Variants in CCDC192 observed in about 807,000 individuals in gnomAD.
The protein encoded by CCDC192 is coiled-coil domain containing 192, also known as coiled-coil domain-containing protein 192.
chr5:127,781,504 T>A (rs1756218129), intron 3 of CCDC192, among the ~76,000 whole-genome samples: 1 of 152,146 alleles, frequency 6.6e-6, no homozygotes, highest in African/African-American at 2.4e-5. Flanking sequence ...CTATGATTTC[T>A]TTCAGCAGTG....
At chr5:127,776,724 C>T (rs1435818057) in intron 3 of CCDC192, among the ~76,000 whole-genome samples, 2 of 152,168 alleles carry the variant, frequency 1.3e-5, no homozygotes, top group Non-Finnish European at 2.9e-5. Context: ...AGTATAGGGA[C>T]TTGGTGCCCT....
chr5:127,937,685 A>G (rs1754224084), intron 6 of CCDC192, among the ~76,000 whole-genome samples: 1 of 151,922 alleles, frequency 6.6e-6, no homozygotes, highest in Admixed American at 6.6e-5. Flanking sequence ...TTTTCTTTCC[A>G]CCTTCTCCCT....
chr5:127,734,553 A>T (rs1305519566), intron 2 of CCDC192, among the ~76,000 whole-genome samples: 30 of 144,450 alleles, frequency 2.1e-4, no homozygotes, highest in East Asian at 1.5e-3. Context: ...ACAGTGTAAA[A>T]GTGTTCCTAT....
chr5:127,820,017 C>G (rs1749211334), intron 5 of CCDC192, among the ~76,000 whole-genome samples: 2 of 152,278 alleles, frequency 1.3e-5, no homozygotes, highest in South Asian at 4.1e-4. Flanking sequence ...AATATTGAAA[C>G]TTAACCTTAG....
At chr5:127,878,342 C>A (rs987855912) in intron 6 of CCDC192, among the ~76,000 whole-genome samples, 8 of 152,200 alleles carry the variant, frequency 5.3e-5, no homozygotes, top group Non-Finnish European at 1.0e-4. Context: ...AAACTGTGGT[C>A]ATGTCCCCAC....
At chr5:127,834,462 G>A (rs1749944466) in intron 5 of CCDC192, among the ~76,000 whole-genome samples, 1 of 152,086 alleles carries the variant, frequency 6.6e-6, no homozygotes, top group African/African-American at 2.4e-5. Context: ...CTAATTTATA[G>A]GGCCCCAACC....
At chr5:127,754,931 A>G (rs1264271016) in intron 3 of CCDC192, among the ~76,000 whole-genome samples, 1 of 152,200 alleles carries the variant, frequency 6.6e-6, no homozygotes, top group Non-Finnish European at 1.5e-5. Flanking sequence ...GGTGCTTTGC[A>G]TGTACAGCAG....
chr5:127,719,552 T>TACACACAC lies in CCDC192; in HGVS notation c.114+11793_114+11794insCACACACA, dbSNP rs1561445065. ...ACACATACATATATATATATATATATATATATACACACATACATATATATA... is the reference window on the plus strand; with the variant it reads ...ACACATACATATATATATATATATATACACACACATATATACACACATACATATATATA... On this transcript the variant is annotated intron_variant, in intron 2 of 6. Coordinates refer to ENST00000514853, the MANE Select transcript of CCDC192 (RefSeq NM_001317938.2). 4.9e-4 allele frequency among the ~76,000 whole-genome samples: 12 copies of TACACACAC among 24,314 alleles called. No individual in the cohort carries two copies. The East Asian group carries it at 5.5e-3, about 11-fold the overall frequency. The allele number at this position is 24,314 out of a possible 152,430, so 16.0% of individuals were successfully genotyped here. A position where few individuals can be genotyped will look rare whatever the true frequency, so the allele number is the denominator to read the frequency against.
At chr5:127,911,806 A>G (rs1183583062) in intron 6 of CCDC192, among the ~76,000 whole-genome samples, 2 of 151,578 alleles carry the variant, frequency 1.3e-5, no homozygotes, top group African/African-American at 4.9e-5. Context: ...TTCTGGGCTC[A>G]AGCAATCCTC....
At chr5:127,748,574 T>C (rs1213666957) in intron 2 of CCDC192, among the ~76,000 whole-genome samples, 4 of 146,252 alleles carry the variant, frequency 2.7e-5, no homozygotes, top group African/African-American at 5.0e-5. Context: ...TGGCTTAGGA[T>C]TGACTTGGCG....
At chr5:127,802,876 A>G (rs1757579724) in intron 5 of CCDC192, among the ~76,000 whole-genome samples, 1 of 152,332 alleles carries the variant, frequency 6.6e-6, no homozygotes, top group South Asian at 2.1e-4. Flanking sequence ...AAATCACTTT[A>G]TGACAAAGAA....
At chr5:127,785,372 A>C in intron 3 of CCDC192, 1 of 425,404 alleles carries the variant, frequency 2.4e-6, no homozygotes, top group South Asian at 2.0e-5. Context: ...TTGTCAGGTG[A>C]TTTTTGAATT....
Position 127,754,272 on chromosome 5 carries a change from C to T in CCDC192, c.119C>T (p.Ala40Val), listed in dbSNP as rs1052639847. The change falls in exon 3 of 7, where the codon GCG becomes GTG. Residue 40 changes from alanine (A) to valine (V), a missense_variant. Coordinates refer to ENST00000514853, the MANE Select transcript of CCDC192 (RefSeq NM_001317938.2). ...DIPQENKVSK[A>V]SLDTGQMAFT... ...TTGATTTTTTTTTTTTTAAAGAAAG[C>T]GTCCCTGGATACTGGACAGATGGCG... 11 of 397,676 alleles carry T rather than the reference C, an allele frequency of 2.8e-5. No individual in the cohort carries two copies. Among genetic ancestry groups the T allele is most frequent in the Non-Finnish European group, 4.4e-5 (10 of 225,808 alleles). The allele number at this position is 397,676 out of a possible 1,614,324, so 24.6% of individuals were successfully genotyped here.
chr5:127,737,913 G>A (rs1241480419), intron 2 of CCDC192, among the ~76,000 whole-genome samples: 1 of 151,654 alleles, frequency 6.6e-6, no homozygotes. Context: ...TTTAATTGGA[G>A]CATTTAGTCC....
chr5:127,706,605 T>C (rs1397387649), intron 1 of CCDC192, among the ~76,000 whole-genome samples: 1 of 152,098 alleles, frequency 6.6e-6, no homozygotes, highest in Non-Finnish European at 1.5e-5. Context: ...GTGAGGTTTA[T>C]TAGATAATTC....
intron 5 of CCDC192, among the ~76,000 whole-genome samples, chr5:127,860,288 G>T (rs1751299363): frequency 6.6e-6 from 1 of 152,198 alleles, no homozygotes; most frequent in African/African-American, 2.4e-5. Context: ...ATAAATGTTT[G>T]TTGAATAGAA....
chr5:127,773,606 T>C (rs1207050579), intron 3 of CCDC192, among the ~76,000 whole-genome samples: 1 of 152,242 alleles, frequency 6.6e-6, no homozygotes, highest in African/African-American at 2.4e-5. Context: ...CAAGTATAAG[T>C]ACTTTATTCC....
At chr5:127,892,767 AATAAAG>A (rs1752767184) in intron 6 of CCDC192, among the ~76,000 whole-genome samples, 1 of 152,354 alleles carries the variant, frequency 6.6e-6, no homozygotes, top group Admixed American at 6.5e-5. Context: ...CAAATGTGCA[AATAAAG>A]ATTTTATTTT....
chr5:127,784,674 A>C, intron 3 of CCDC192: 1 of 718,630 alleles, frequency 1.4e-6, no homozygotes, highest in Non-Finnish European at 2.4e-6. Context: ...ATTCTTTCTC[A>C]ATTAGAATGT....
Sources: gnomAD v4.1 joint callset for allele counts (sites outside exome capture counted in the v4.1 genomes callset) on GRCh38, gnomAD v4.1.1 for gene constraint, MANE v1.5 for transcripts, NCBI Gene and HGNC (gene_info 2026-07-23, HGNC 2026-07-21) for gene names.